LARGE1: variants seen among roughly 807,000 people sequenced by gnomAD.
LARGE1 encodes LARGE xylosyl- and glucuronyltransferase 1.
LARGE1 carries 43 observed loss-of-function variants against 87.6 expected under a neutral mutation model. That is an observed-to-expected ratio of 0.49 (90% CI 0.38 to 0.63). LARGE1 has a LOEUF of 0.63. Ranked by LOEUF, LARGE1 falls within the 30% of genes least tolerant of loss-of-function variation. LARGE1 has a pLI of 0.00. For synonymous variants in LARGE1, 434 were observed against 394.6 expected (o/e 1.10, Z -1.18); for missense variants, 802 against 1,000.2 (o/e 0.80, Z 2.67).
chr22:33,695,052 C>T (rs2082202095), intron 2 of LARGE1, among the ~76,000 whole-genome samples: 1 of 151,914 alleles, frequency 6.6e-6, no homozygotes, highest in African/African-American at 2.4e-5. Flanking sequence ...CAAAAATCAC[C>T]CTTGTCCCAT....
At position 33,432,135 on chromosome 22, in the gene LARGE1, C is replaced by T. The variant is rs761384434; in HGVS notation, c.892+26G>A. 1.8e-5 allele frequency: 28 copies of T among 1,582,392 alleles called. No individual in the cohort carries two copies. The East Asian group carries it at 3.1e-4, about 18-fold the overall frequency. ...GGTCCTCATATCACCTTCTGCAACT[C>T]TTCCCATACCACCCTGAGGATTTAC... On this transcript the variant is annotated intron_variant, in intron 7 of 14. Coordinates refer to ENST00000397394, the MANE Select transcript of LARGE1 (RefSeq NM_133642.5).
chr22:33,496,543 G>A (rs1213961547), intron 6 of LARGE1, among the ~76,000 whole-genome samples: 15 of 152,132 alleles, frequency 9.9e-5, no homozygotes, highest in Admixed American at 9.8e-4. Flanking sequence ...GAGTCTGCCA[G>A]CAACTTGAAC....
In LARGE1 at chr22:33,451,670, T is replaced by C. The variant is rs1601898137; in HGVS notation, c.788-19405A>G. 5.9e-5 allele frequency among the ~76,000 whole-genome samples: 9 copies of C among 152,112 alleles called. No homozygotes were observed. The South Asian group carries it at 1.9e-3, about 32-fold the overall frequency. ...GCCTCCCAGGTTCAAGCGATTTTCC[T>C]GCCTCAGCCTCCCGAGTAGCTGGGA... On this transcript the variant is annotated intron_variant, in intron 6 of 14. Transcript: ENST00000397394.
Position 33,592,167 on chromosome 22 carries a change from CTT to C in LARGE1, c.615+12266_615+12267del, listed in dbSNP as rs532761003. On this transcript the variant is annotated intron_variant, in intron 5 of 14. Coordinates refer to ENST00000397394, the MANE Select transcript of LARGE1 (RefSeq NM_133642.5). ...CCCAACTTGAAGTCCCTATAATTTT[CTT>C]TGTTTTCCTCTATAAGTTCTACAGA... is the stretch of plus-strand genomic sequence containing the variant. Among the ~76,000 whole-genome samples, 6 of 151,854 alleles carry C rather than the reference CTT, an allele frequency of 4.0e-5. No individual in the cohort carries two copies. In the South Asian group the frequency reaches 1.0e-3, roughly 26 times the overall value.
At chr22:33,850,598 T>G (rs1408004088) in intron 1 of LARGE1, among the ~76,000 whole-genome samples, 1 of 152,238 alleles carries the variant, frequency 6.6e-6, no homozygotes, top group Non-Finnish European at 1.5e-5. Flanking sequence ...TTACCATTAC[T>G]ATTATCAAGA....
At chr22:33,120,364 TTC>T in the LARGE1 span, among the ~76,000 whole-genome samples, 2 of 98,726 alleles carry the variant, frequency 2.0e-5, no homozygotes, top group African/African-American at 4.6e-5. Flanking sequence ...TTCTTTTTCT[TTC>T]TTTCTTTCTT....
intron 2 of LARGE1, among the ~76,000 whole-genome samples, chr22:33,691,084 A>T (rs922622450): frequency 2.0e-5 from 3 of 152,188 alleles, no homozygotes; most frequent in African/African-American, 7.2e-5. Context: ...CAGCCCATGG[A>T]ACAAATCAAC....
At chr22:33,731,794 G>A (rs1464020653) in intron 2 of LARGE1, among the ~76,000 whole-genome samples, 1 of 152,144 alleles carries the variant, frequency 6.6e-6, no homozygotes, top group African/African-American at 2.4e-5. Context: ...GTTCACCAGT[G>A]TACATTTATC....
intron 5 of LARGE1, among the ~76,000 whole-genome samples, chr22:33,595,740 C>T (rs2148939586): frequency 6.6e-6 from 1 of 152,298 alleles, no homozygotes; most frequent in African/African-American, 2.4e-5. Context: ...CCAGGATTGG[C>T]CAGATTTTGT....
At chr22:33,669,210 T>C (rs2081343546) in intron 2 of LARGE1, among the ~76,000 whole-genome samples, 1 of 152,252 alleles carries the variant, frequency 6.6e-6, no homozygotes, top group South Asian at 2.1e-4. Flanking sequence ...GCTTTCCATC[T>C]ATCTTTCAGG....
At position 33,449,879 on chromosome 22, in the gene LARGE1, A is replaced by G. The variant is rs184380346; in HGVS notation, c.788-17614T>C. ...CCCTCATGTTTATAAACAGTCTGCT[A>G]TGTCTAAGGGGACTCTTGCATCGAG... On this transcript the variant is annotated intron_variant, in intron 6 of 14. Coordinates refer to ENST00000397394, the MANE Select transcript of LARGE1 (RefSeq NM_133642.5). Among the ~76,000 whole-genome samples, 388 of 151,946 alleles carry G rather than the reference A, an allele frequency of 2.6e-3. 4 individuals carry two copies. Among genetic ancestry groups the G allele is most frequent in the Middle Eastern group, 0.021 (6 of 290 alleles).
At chr22:33,144,547 T>G in the LARGE1 span, among the ~76,000 whole-genome samples, 7 of 152,254 alleles carry the variant, frequency 4.6e-5, no homozygotes, top group South Asian at 1.5e-3. Context: ...CTGTCAAGAA[T>G]CTAATAGTGC....
At chr22:33,171,078 A>G (rs1165831860) in intron 11 of LARGE1, among the ~76,000 whole-genome samples, 1 of 152,206 alleles carries the variant, frequency 6.6e-6, no homozygotes, top group African/African-American at 2.4e-5. Context: ...GCTTTAGTAA[A>G]GCAACTGGCA....
intron 1 of LARGE1, among the ~76,000 whole-genome samples, chr22:33,895,226 A>T (rs1449484135): frequency 6.6e-6 from 1 of 152,212 alleles, no homozygotes; most frequent in Non-Finnish European, 1.5e-5. Context: ...CTTGAGCATA[A>T]ACAGAAAACA....
chr22:33,737,330 G>A lies in LARGE1; in HGVS notation c.106+24041C>T, dbSNP rs144892105. Among the ~76,000 whole-genome samples the A allele has an allele frequency of 2.4e-3, 362 of 152,262 alleles. 2 individuals are homozygous for A. The highest frequency in any genetic ancestry group is 8.3e-3 in the African/African-American group (344 of 41,564). On this transcript the variant is annotated intron_variant, in intron 2 of 14. Coordinates refer to ENST00000397394, the MANE Select transcript of LARGE1 (RefSeq NM_133642.5). ...TACCAGGTACTCTGGCTTTGGCTTT[G>A]GGGATGCAAAATTGAATAAGACGAC...
At chr22:33,685,019 G>C (rs2081904147) in intron 2 of LARGE1, among the ~76,000 whole-genome samples, 1 of 152,178 alleles carries the variant, frequency 6.6e-6, no homozygotes, top group Non-Finnish European at 1.5e-5. Flanking sequence ...AGCACTGCCA[G>C]CTCCTCACAC....
chr22:33,448,217 T>C (rs567292638), intron 6 of LARGE1, among the ~76,000 whole-genome samples: 3 of 152,168 alleles, frequency 2.0e-5, no homozygotes, highest in Non-Finnish European at 2.9e-5. Flanking sequence ...TGCCACTGGA[T>C]TGCACCCTTT....
intron 1 of LARGE1, among the ~76,000 whole-genome samples, chr22:33,762,195 CAG>C (rs1377525009): frequency 2.5e-5 from 3 of 119,130 alleles, no homozygotes; most frequent in South Asian, 5.3e-4. Context: ...GCCAGGGAGA[CAG>C]AGCGAGATTC....
chr22:33,513,185 T>C (rs566677803), intron 6 of LARGE1, among the ~76,000 whole-genome samples: 51 of 152,294 alleles, frequency 3.3e-4, no homozygotes, highest in African/African-American at 1.2e-3. Flanking sequence ...GAAGCCCTTT[T>C]GCAGAAAAGG....
Sources: allele counts gnomAD v4.1 joint callset (sites outside exome capture counted in the v4.1 genomes callset), GRCh38; gene constraint gnomAD v4.1.1; transcripts MANE v1.5; gene names NCBI Gene and HGNC (gene_info 2026-07-23, HGNC 2026-07-21).